The following ADAMTS15 variants were observed in gnomAD, a reference collection of about 807,000 sequenced individuals.
The protein encoded by ADAMTS15 is ADAM metallopeptidase with thrombospondin type 1 motif 15.
Under a neutral mutation model 79.1 loss-of-function variants are expected in ADAMTS15, and 35 were observed. The ratio of observed to expected loss-of-function variants is 0.44; its 90% CI spans 0.34 to 0.59. The LOEUF (loss-of-function observed/expected upper bound fraction) is 0.59. ADAMTS15 is among the 20% of genes least tolerant of loss of function. The probability of loss-of-function intolerance (pLI) is 0.02; values close to 1 mark genes in which losing one functional copy is unlikely to be tolerated. For synonymous variants in ADAMTS15, 616 were observed against 567.3 expected (o/e 1.09, Z -1.22); for missense variants, 1,324 against 1,318.7 (o/e 1.00, Z -0.06).
At chr11:130,466,588 C>T (rs938070378) in intron 4 of ADAMTS15, among the ~76,000 whole-genome samples, 1 of 152,184 alleles carries the variant, frequency 6.6e-6, no homozygotes, top group Non-Finnish European at 1.5e-5. Flanking sequence ...TCTGCTCTCA[C>T]CCTGGTCCCA....
Position 130,462,343 on chromosome 11 carries a change from T to C in ADAMTS15, c.1258+89T>C, listed in dbSNP as rs1209026984. 3.3e-6 allele frequency: 5 copies of C among 1,512,024 alleles called. No homozygotes were observed. The African/African-American group carries it at 6.9e-5, about 21-fold the overall frequency. 93.7% of individuals were successfully genotyped at this position (1,512,024 alleles called of 1,614,324 possible). A position where few individuals can be genotyped will look rare whatever the true frequency, so the allele number is the denominator to read the frequency against. Reference sequence around the variant, plus strand: ...TGGAGGTGCTCACTTCTCCGTCCTCTGTACATTAGGTGTGTGTGCCCCCTC... The same window carrying C: ...TGGAGGTGCTCACTTCTCCGTCCTCCGTACATTAGGTGTGTGTGCCCCCTC... On this transcript the variant is annotated intron_variant, in intron 3 of 7. Coordinates refer to ENST00000299164, the MANE Select transcript of ADAMTS15 (RefSeq NM_139055.4). This position sits in a 1 kb window ranked among gnomAD's most constrained non-coding sequence, Gnocchi z 4.3.
intron 1 of ADAMTS15, among the ~76,000 whole-genome samples, chr11:130,454,574 G>T (rs140240517): frequency 6.6e-6 from 1 of 152,210 alleles, no homozygotes; most frequent in East Asian, 1.9e-4. Flanking sequence ...TCTTGAAGTC[G>T]GGCCTTGGAA....
intron 1 of ADAMTS15, among the ~76,000 whole-genome samples, chr11:130,459,250 C>T (rs376996114): frequency 6.6e-6 from 1 of 152,068 alleles, no homozygotes; most frequent in Non-Finnish European, 1.5e-5. Flanking sequence ...ATACCAGCTA[C>T]TAGGGAGGCT....
Position 130,469,436 on chromosome 11 carries a change from T to C in ADAMTS15, c.1717T>C (p.Ser573Pro). The C allele has an allele frequency of 7.5e-7, 1 of 1,337,658 alleles. No homozygotes were observed. 82.9% of individuals were successfully genotyped at this position (1,337,658 alleles called of 1,614,324 possible). Residue 573 changes from serine (S) to proline (P), a missense_variant, in exon 5 of 8, where the codon TCA (serine) becomes CCA (proline). Transcript: ENST00000299164. ...RSCNLEPCPSSASGKSFREEQ... is the reference protein window; with the variant it reads ...RSCNLEPCPSPASGKSFREEQ... The stretch of plus-strand genomic sequence containing the variant: ...CTGCAATCTGGAGCCCTGCCCCAGC[T>C]CAGGTGAGGTGGGGAGAGCAGTGGT...
intron 1 of ADAMTS15, among the ~76,000 whole-genome samples, chr11:130,454,302 C>T (rs1400192681): frequency 6.6e-6 from 1 of 152,342 alleles, no homozygotes; most frequent in East Asian, 1.9e-4. Context: ...TCCCCTCTCA[C>T]AACCCTGAGC....
chr11:130,450,006 C>T, intron 1 of ADAMTS15, 76 bp downstream of exon 1: 2 of 1,546,298 alleles, frequency 1.3e-6, no homozygotes, highest in East Asian at 4.5e-5. Flanking sequence ...CTCCAAATCC[C>T]CTTTGTATCG....
At chr11:130,463,331 A>G (rs1044931342) in intron 4 of ADAMTS15, among the ~76,000 whole-genome samples, 2 of 152,250 alleles carry the variant, frequency 1.3e-5, no homozygotes, top group Non-Finnish European at 2.9e-5. Flanking sequence ...GCAGGAACAT[A>G]GTTGAATAAT....
chr11:130,469,354 C>A lies in ADAMTS15; in HGVS notation c.1635C>A (p.Asn545Lys), dbSNP rs1459507489. Residue 545 changes from asparagine to lysine, a missense_variant, in exon 5 of 8, where the codon AAC becomes AAA. Transcript: ENST00000299164. Reference protein sequence around the residue: ...GVQLARRQCTNPTPANGGKYC... With the variant: ...GVQLARRQCTKPTPANGGKYC... ...AGCTGGCCAGGAGGCAGTGCACCAA[C>A]CCCACCCCTGCCAACGGGGGCAAGT... 7.4e-7 allele frequency: 1 copy of A among 1,359,642 alleles called. No homozygotes were observed. Among genetic ancestry groups the A allele is most frequent in the South Asian group, 2.2e-5 (1 of 45,652 alleles). The allele number at this position is 1,359,642 out of a possible 1,614,324, so 84.2% of individuals were successfully genotyped here.
chr11:130,470,868 A>C (rs1938436473), intron 5 of ADAMTS15, 52 bp from the exon 6 acceptor site: 1 of 1,569,132 alleles, frequency 6.4e-7, no homozygotes, highest in Non-Finnish European at 8.7e-7. Flanking sequence ...TGTCCTTTGC[A>C]CCGGCCTTGT....
chr11:130,468,039 G>A (rs566673522), intron 4 of ADAMTS15, among the ~76,000 whole-genome samples: 1 of 152,312 alleles, frequency 6.6e-6, no homozygotes, highest in East Asian at 1.9e-4. Flanking sequence ...AGGGCTGGGG[G>A]TGGCCATGCC....
intron 4 of ADAMTS15, among the ~76,000 whole-genome samples, chr11:130,463,266 T>C (rs1372331673): frequency 6.6e-6 from 1 of 152,220 alleles, no homozygotes; most frequent in East Asian, 1.9e-4. Context: ...GCTTCGGGAA[T>C]TGGCTGCATT....
At position 130,470,577 on chromosome 11, in the gene ADAMTS15, T is replaced by C. The variant is rs561696970; in HGVS notation, c.1721-343T>C. Among the ~76,000 whole-genome samples the C allele has an allele frequency of 1.2e-4, 19 of 152,224 alleles. 1 individual carries two copies. The South Asian group carries it at 3.9e-3, about 32-fold the overall frequency. ...TATATCACAGACTTGTTTCAAAATA[T>C]ATCGATAGTTGTATAGCAAATGTAA... On this transcript the variant is annotated intron_variant, in intron 5 of 7. Coordinates refer to ENST00000299164, the MANE Select transcript of ADAMTS15 (RefSeq NM_139055.4).
Position 130,473,359 on chromosome 11 carries a change from C to A in ADAMTS15, c.2391C>A (p.Ser797=). 1 of 1,612,866 alleles carries A rather than the reference C, an allele frequency of 6.2e-7. No individual in the cohort carries two copies. Among genetic ancestry groups the A allele is most frequent in the Non-Finnish European group, 8.5e-7 (1 of 1,179,986 alleles). ...TGACACCGCCCCGGGTCCGCTACTC[C>A]TTCTATCTGCCCAAAGAGCCTCGGG... ...GKMTPPRVRY[S]FYLPKEPRED... is the part of the protein sequence containing the mutation. Residue 797 remains serine (S), a synonymous_variant, in exon 8 of 8, where the codon TCC becomes TCA. Transcript: ENST00000299164.
Position 130,462,474 on chromosome 11 carries a change from C to T in ADAMTS15, c.1259-23C>T, listed in dbSNP as rs376797162. 104 of 1,561,458 alleles carry T rather than the reference C, an allele frequency of 6.7e-5. 2 individuals carry two copies. In the South Asian group the frequency reaches 9.0e-4, roughly 14 times the overall value. On this transcript the variant is annotated intron_variant, in intron 3 of 7. Coordinates refer to ENST00000299164, the MANE Select transcript of ADAMTS15 (RefSeq NM_139055.4). This position sits in a 1 kb window ranked among gnomAD's most constrained non-coding sequence, Gnocchi z 4.3. ...ACCTCATCTTCCCAGCTCATCCTAA[C>T]GAACGCCCTCGGCTCTCTGCAGGTG...
At position 130,449,047 on chromosome 11, in the gene ADAMTS15, T is replaced by A; in HGVS notation, c.74T>A (p.Val25Glu). The change falls in exon 1 of 8, where the codon GTA becomes GAA. Residue 25 changes from valine (V) to glutamate (E), a missense_variant. Transcript: ENST00000299164. This position sits in a 1 kb window ranked among gnomAD's most constrained non-coding sequence, Gnocchi z 7.8. ...TAGGSEPERE[V>E]VVPIRLDPDI... Reference sequence around the variant, plus strand: ...GGAGGCTCTGAGCCAGAGCGGGAGGTAGTCGTTCCCATCCGACTGGACCCG... The same window carrying A: ...GGAGGCTCTGAGCCAGAGCGGGAGGAAGTCGTTCCCATCCGACTGGACCCG... 6.5e-7 allele frequency: 1 copy of A among 1,542,466 alleles called. No individual in the cohort carries two copies. Among genetic ancestry groups the A allele is most frequent in the Non-Finnish European group, 8.8e-7 (1 of 1,141,782 alleles).
intron 1 of ADAMTS15, among the ~76,000 whole-genome samples, chr11:130,450,688 T>C (rs1487554013): frequency 6.6e-6 from 1 of 152,174 alleles, no homozygotes; most frequent in Non-Finnish European, 1.5e-5. Flanking sequence ...TGGAGCTGAG[T>C]TGGGAAAATC....
chr11:130,470,149 T>TACAC (rs879617627), intron 5 of ADAMTS15, among the ~76,000 whole-genome samples: 7 of 59,876 alleles, frequency 1.2e-4, no homozygotes, highest in African/African-American at 3.8e-4. Flanking sequence ...TATATATATA[T>TACAC]ATGTGTATAT....
At position 130,473,571 on chromosome 11, in the gene ADAMTS15, G is replaced by A. The variant is rs1439424762; in HGVS notation, c.2603G>A (p.Gly868Asp). 5.0e-6 allele frequency: 8 copies of A among 1,602,524 alleles called. No individual in the cohort carries two copies. Among genetic ancestry groups the A allele is most frequent in the Non-Finnish European group, 6.8e-6 (8 of 1,173,776 alleles). Residue 868 changes from glycine to aspartate, a missense_variant, in exon 8 of 8, where the codon GGC becomes GAC. By Grantham distance (94) the Gly-to-Asp change is moderately conservative. Transcript: ENST00000299164. ...CAGAAGCGGGCGGTGGACTGCCGGG[G>A]CTCCGCCGGGCAGCGCACGGTCCCT... ...GLQKRAVDCR[G>D]SAGQRTVPAC...
Position 130,474,031 on chromosome 11 carries a change from C to A in ADAMTS15, c.*210C>A, listed in dbSNP as rs1938526072. The A allele has an allele frequency of 9.2e-6, 6 of 652,948 alleles. No homozygotes were observed. The South Asian group carries it at 1.7e-4, about 18-fold the overall frequency. 40.4% of individuals were successfully genotyped at this position (652,948 alleles called of 1,614,324 possible). ...GCCCAGGAACTCCCGCACAGTCTAC[C>A]TCAGGCCCCGCTCCTCGGGCCGGTT... On this transcript the variant is annotated 3_prime_UTR_variant, in exon 8 of 8. Transcript: ENST00000299164.
Sources: gnomAD v4.1 joint callset for allele counts (sites outside exome capture counted in the v4.1 genomes callset) on GRCh38, gnomAD v4.1.1 for gene constraint, Gnocchi (gnomAD v3.1) non-coding constraint, MANE v1.5 for transcripts, NCBI Gene and HGNC (gene_info 2026-07-23, HGNC 2026-07-21) for gene names.